The following DCPS variants were observed in gnomAD, a reference collection of about 807,000 sequenced individuals.
The protein encoded by DCPS is m7GpppX diphosphatase.
DCPS carries 27 observed loss-of-function variants against 34.7 expected under a neutral mutation model. The observed-to-expected ratio is 0.78, with a 90% confidence interval of 0.57 to 1.07. DCPS has a LOEUF of 1.07. Among genes scored for constraint, DCPS ranks in the 50% least tolerant of loss-of-function variants. The pLI, the probability that DCPS is intolerant of heterozygous loss-of-function variation, is 0.00. For synonymous variants in DCPS, 185 were observed against 185.7 expected (o/e 1.00, Z 0.03); for missense variants, 464 against 436.9 (o/e 1.06, Z -0.55).
At chr11:126,317,018 G>A (rs923505765) in intron 2 of DCPS, among the ~76,000 whole-genome samples, 19 of 142,978 alleles carry the variant, frequency 1.3e-4, no homozygotes, top group African/African-American at 4.7e-4. Context: ...GAGTGCAGTG[G>A]CGCGATCTCA....
chr11:126,331,443 C>T lies in DCPS; in HGVS notation c.415C>T (p.His139Tyr), dbSNP rs369643672. Residue 139 changes from histidine (H) to tyrosine (Y), a missense_variant, in exon 3 of 6, where the codon CAC (histidine) becomes TAC (tyrosine). Coordinates refer to ENST00000263579, the MANE Select transcript of DCPS (RefSeq NM_014026.6). This position sits in a 1 kb window ranked among gnomAD's most constrained non-coding sequence, Gnocchi z 7.2. ...TTVVYPATEK[H>Y]LQKYLRQDLR... ...CGTGGTTTACCCTGCCACAGAGAAA[C>T]ACCTGCAGAAGTACCTGCGCCAGGA... is the stretch of plus-strand genomic sequence containing the variant. 8.7e-6 allele frequency: 14 copies of T among 1,614,062 alleles called. No homozygotes were observed. The highest frequency in any genetic ancestry group is 4.0e-5 in the African/African-American group (3 of 74,916).
At chr11:126,339,682 G>T (rs572137413) in intron 4 of DCPS, among the ~76,000 whole-genome samples, 1 of 152,192 alleles carries the variant, frequency 6.6e-6, no homozygotes, top group Non-Finnish European at 1.5e-5. Flanking sequence ...CTAAGGGGAC[G>T]CCTGCATCCA....
At position 126,332,549 on chromosome 11, in the gene DCPS, TCC is replaced by T. The variant is rs1390192711; in HGVS notation, c.522+1001_522+1002del. Among the ~76,000 whole-genome samples, 2 of 152,228 alleles carry T rather than the reference TCC, an allele frequency of 1.3e-5. No individual in the cohort carries two copies. The highest frequency in any genetic ancestry group is 4.8e-5 in the African/African-American group (2 of 41,462). On this transcript the variant is annotated intron_variant, in intron 3 of 5. Coordinates refer to ENST00000263579, the MANE Select transcript of DCPS (RefSeq NM_014026.6). The surrounding 1 kb of genome is among the most constrained non-coding windows in gnomAD (Gnocchi z 5.4). ...GATGTGAGGAACTCACAGCCACTCC[TCC>T]CTGGCCCAGAAGAAGGGAGGGTACG...
chr11:126,328,637 AGGAGCCCCAGGCTG>A lies in DCPS; in HGVS notation c.377-2760_377-2747del, dbSNP rs1484251367. ...GGTGGCTTTCTGATCTGGAGCAGCC[AGGAGCCCCAGGCTG>A]GGAGCCCGGCTGGGTGACCCTGCCC... is the stretch of plus-strand genomic sequence containing the variant. On this transcript the variant is annotated intron_variant, in intron 2 of 5. Coordinates refer to ENST00000263579, the MANE Select transcript of DCPS (RefSeq NM_014026.6). This position sits in a 1 kb window ranked among gnomAD's most constrained non-coding sequence, Gnocchi z 6.6. Among the ~76,000 whole-genome samples the A allele has an allele frequency of 4.6e-5, 7 of 152,234 alleles. No homozygotes were observed. In the East Asian group the frequency reaches 1.2e-3, roughly 25 times the overall value.
At position 126,331,831 on chromosome 11, in the gene DCPS, C is replaced by T. The variant is rs911551785; in HGVS notation, c.522+281C>T. Reference sequence around the variant, plus strand: ...AGACAGGATAAGTGGGACCAGAAGGCCTGGGGCGGGCAATTGCCATTTTAT... The same window carrying T: ...AGACAGGATAAGTGGGACCAGAAGGTCTGGGGCGGGCAATTGCCATTTTAT... On this transcript the variant is annotated intron_variant, in intron 3 of 5. Coordinates refer to ENST00000263579, the MANE Select transcript of DCPS (RefSeq NM_014026.6). This position sits in a 1 kb window ranked among gnomAD's most constrained non-coding sequence, Gnocchi z 7.2. Among the ~76,000 whole-genome samples, 1 of 152,102 alleles carries T rather than the reference C, an allele frequency of 6.6e-6. No individual in the cohort carries two copies. Among genetic ancestry groups the T allele is most frequent in the East Asian group, 1.9e-4 (1 of 5,178 alleles).
At position 126,333,761 on chromosome 11, in the gene DCPS, A is replaced by T. The variant is rs1951809715; in HGVS notation, c.522+2211A>T. 6.6e-6 allele frequency among the ~76,000 whole-genome samples: 1 copy of T among 152,122 alleles called. No homozygotes were observed. The highest frequency in any genetic ancestry group is 1.5e-5 in the Non-Finnish European group (1 of 68,020). The stretch of plus-strand genomic sequence containing the variant: ...TGTCCAGGGGGCCAGGAGTTCCTGA[A>T]CCTTGCTTACCATCAGGATTGCCTG... On this transcript the variant is annotated intron_variant, in intron 3 of 5. Transcript: ENST00000263579. The surrounding 1 kb of genome is among the most constrained non-coding windows in gnomAD (Gnocchi z 5.7).
At chr11:126,307,411 A>C (rs1951579531) in intron 2 of DCPS, among the ~76,000 whole-genome samples, 1 of 151,122 alleles carries the variant, frequency 6.6e-6, no homozygotes, top group African/African-American at 2.4e-5. Flanking sequence ...GGGATAGAAT[A>C]ATATATATAT....
At position 126,343,306 on chromosome 11, in the gene DCPS, G is replaced by A; in HGVS notation, c.637-1G>A. The A allele has an allele frequency of 1.2e-6, 2 of 1,612,500 alleles. No individual in the cohort carries two copies. The highest frequency in any genetic ancestry group is 1.7e-6 in the Non-Finnish European group (2 of 1,179,326). On this transcript the variant is annotated splice_acceptor_variant, in intron 4 of 5. Transcript: ENST00000263579. LOFTEE classifies it high-confidence loss of function. ...CTGGTCTCCCCTTGCTCTCTACGCA[G>A]CTCGATGACTTGTACTTGATCGCCA...
rs762071568 is a variant in DCPS at position 126,345,384 on chromosome 11, A to T, written c.785A>T (p.His262Leu). Reference sequence around the variant, plus strand: ...CAGCGCTACCGGATGAAGGGAGACCATCTGCGAGTATACCTGCACTACCTG... The same window carrying T: ...CAGCGCTACCGGATGAAGGGAGACCTTCTGCGAGTATACCTGCACTACCTG... ...ILQRYRMKGD[H>L]LRVYLHYLPS... Residue 262 changes from histidine (H) to leucine (L), a missense_variant, in exon 6 of 6, where the codon CAT becomes CTT. By Grantham distance (99) the His-to-Leu change is moderately conservative. Transcript: ENST00000263579. The surrounding 1 kb of genome is among the most constrained non-coding windows in gnomAD (Gnocchi z 7.4). 1 of 1,614,180 alleles carries T rather than the reference A, an allele frequency of 6.2e-7. No individual in the cohort carries two copies. The highest frequency in any genetic ancestry group is 1.1e-5 in the South Asian group (1 of 91,086).
intron 2 of DCPS, among the ~76,000 whole-genome samples, chr11:126,324,510 A>G (rs1017856453): frequency 2.6e-5 from 4 of 151,662 alleles, no homozygotes; most frequent in African/African-American, 9.7e-5. Flanking sequence ...GCTGGAGTGC[A>G]GTGGCGAGAT....
chr11:126,346,388 A>G lies in DCPS; in HGVS notation c.*775A>G, dbSNP rs547886495. 2.4e-4 allele frequency among the ~76,000 whole-genome samples: 37 copies of G among 152,228 alleles called. No homozygotes were observed. The highest frequency in any genetic ancestry group is 5.0e-4 in the Non-Finnish European group (34 of 68,042). ...AGGGCAAATGATATGGTTGCAGTTG[A>G]ATACAAAAGCCCGGAGGCGGCTCGG... is the stretch of plus-strand genomic sequence containing the variant. On this transcript the variant is annotated 3_prime_UTR_variant, in exon 6 of 6. Transcript: ENST00000263579. The surrounding 1 kb of genome is among the most constrained non-coding windows in gnomAD (Gnocchi z 4.1).
chr11:126,323,076 T>C lies in DCPS; in HGVS notation c.377-8329T>C, dbSNP rs1049259734. ...TCCTGGGCTCAATAGATTTCCCCCC[T>C]GTTTCAGCCTCCCAAAGTGTTGGGA... On this transcript the variant is annotated intron_variant, in intron 2 of 5. Coordinates refer to ENST00000263579, the MANE Select transcript of DCPS (RefSeq NM_014026.6). The surrounding 1 kb of genome is among the most constrained non-coding windows in gnomAD (Gnocchi z 4.4). 4.0e-5 allele frequency among the ~76,000 whole-genome samples: 6 copies of C among 151,228 alleles called. No homozygotes were observed. The highest frequency in any genetic ancestry group is 1.5e-4 in the African/African-American group (6 of 40,734).
Position 126,331,881 on chromosome 11 carries a change from G to A in DCPS, c.522+331G>A, listed in dbSNP as rs935895102. Among the ~76,000 whole-genome samples the A allele has an allele frequency of 4.6e-5, 7 of 152,154 alleles. No homozygotes were observed. The highest frequency in any genetic ancestry group is 1.7e-4 in the African/African-American group (7 of 41,400). ...TATCGCATGGCGAGAGAAGGCTTTG[G>A]GGGTGGGGGAACTGATGCTGGTCTT... On this transcript the variant is annotated intron_variant, in intron 3 of 5. Transcript: ENST00000263579. The surrounding 1 kb of genome is among the most constrained non-coding windows in gnomAD (Gnocchi z 7.2).
chr11:126,308,571 C>T (rs989469071), intron 2 of DCPS, among the ~76,000 whole-genome samples: 4 of 152,214 alleles, frequency 2.6e-5, no homozygotes, highest in Admixed American at 6.5e-5. Context: ...CAGGCAGTGA[C>T]GTTTAAGCAA....
chr11:126,345,705 T>C lies in DCPS; in HGVS notation c.*92T>C, dbSNP rs1951919874. On this transcript the variant is annotated 3_prime_UTR_variant, in exon 6 of 6. Transcript: ENST00000263579. This position sits in a 1 kb window ranked among gnomAD's most constrained non-coding sequence, Gnocchi z 7.4. ...TCCAAGTGAATTTTCTAAAAATGTA[T>C]TTTATACCGGCTTATTCCTAGTATT... The C allele has an allele frequency of 1.3e-6, 2 of 1,533,010 alleles. No homozygotes were observed. Among genetic ancestry groups the C allele is most frequent in the African/African-American group, 1.4e-5 (1 of 73,138 alleles). 95.0% of individuals were successfully genotyped at this position (1,533,010 alleles called of 1,614,324 possible).
Position 126,316,280 on chromosome 11 carries a change from G to A in DCPS, c.376+9536G>A, listed in dbSNP as rs4636681. On this transcript the variant is annotated intron_variant, in intron 2 of 5. Transcript: ENST00000263579. Reference sequence around the variant, plus strand: ...CCCAGGACAGCTTTGAATGCGGCCCGACACAAATGTATAAACTTTCTTAAA... The same window carrying A: ...CCCAGGACAGCTTTGAATGCGGCCCAACACAAATGTATAAACTTTCTTAAA... Among the ~76,000 whole-genome samples, 142 of 151,422 alleles carry A rather than the reference G, an allele frequency of 9.4e-4. 2 individuals carry two copies. The highest frequency in any genetic ancestry group is 3.2e-3 in the African/African-American group (130 of 41,158).
intron 2 of DCPS, among the ~76,000 whole-genome samples, chr11:126,330,698 T>C (rs1591388406): frequency 3.6e-5 from 1 of 28,066 alleles, no homozygotes; most frequent in African/African-American, 1.7e-4. Flanking sequence ...CATATATATA[T>C]ATATATATAT....
At position 126,348,511 on chromosome 11, in the gene DCPS, C is replaced by T. The variant is rs566126655; in HGVS notation, c.*2898C>T. Among the ~76,000 whole-genome samples the T allele has an allele frequency of 6.6e-6, 1 of 152,374 alleles. No individual in the cohort carries two copies. Among genetic ancestry groups the T allele is most frequent in the African/African-American group, 2.4e-5 (1 of 41,598 alleles). ...GGCCACGGCCCCCATGCAGCTCCCTCCCTCAATCCAACCCTCTTTGGGCTT... is the reference window on the plus strand; with the variant it reads ...GGCCACGGCCCCCATGCAGCTCCCTTCCTCAATCCAACCCTCTTTGGGCTT... On this transcript the variant is annotated 3_prime_UTR_variant, in exon 6 of 6. Coordinates refer to ENST00000263579, the MANE Select transcript of DCPS (RefSeq NM_014026.6). The surrounding 1 kb of genome is among the most constrained non-coding windows in gnomAD (Gnocchi z 5.3).
chr11:126,347,452 G>A lies in DCPS; in HGVS notation c.*1839G>A, dbSNP rs1214100324. ...TTGGCCAGGCTGGTCTCCAACTCCT[G>A]GCCTCAGGTGATCCACCCATCTCGG... On this transcript the variant is annotated 3_prime_UTR_variant, in exon 6 of 6. Transcript: ENST00000263579. The surrounding 1 kb of genome is among the most constrained non-coding windows in gnomAD (Gnocchi z 4.2). Among the ~76,000 whole-genome samples the A allele has an allele frequency of 3.9e-5, 6 of 152,010 alleles. No homozygotes were observed. Among genetic ancestry groups the A allele is most frequent in the Non-Finnish European group, 8.8e-5 (6 of 67,982 alleles).
Sources: gnomAD v4.1 joint callset for allele counts (sites outside exome capture counted in the v4.1 genomes callset) on GRCh38, gnomAD v4.1.1 for gene constraint, Gnocchi (gnomAD v3.1) non-coding constraint, MANE v1.5 for transcripts, NCBI Gene and HGNC (gene_info 2026-07-23, HGNC 2026-07-21) for gene names.